The following MAML3 variants were observed in gnomAD, a reference collection of about 807,000 sequenced individuals.
MAML3 encodes the protein mastermind like transcriptional coactivator 3.
Under a neutral mutation model 101.9 loss-of-function variants are expected in MAML3, and 27 were observed. The observed-to-expected ratio is 0.27, with a 90% CI of 0.20 to 0.37. The LOEUF (loss-of-function observed/expected upper bound fraction) is 0.37, where lower values mean the gene tolerates loss of function less well. Ranked by LOEUF, MAML3 falls within the 10% of genes least tolerant of loss-of-function variation. The probability of loss-of-function intolerance (pLI) is 1.00; values close to 1 mark genes in which losing one functional copy is unlikely to be tolerated. For synonymous variants in MAML3, 501 were observed against 555.9 expected (o/e 0.90, Z 1.39); for missense variants, 1,316 against 1,444.9 (o/e 0.91, Z 1.45).
chr4:139,904,600 C>T (rs1028275884), intron 1 of MAML3, among the ~76,000 whole-genome samples: 4 of 152,192 alleles, frequency 2.6e-5, no homozygotes, highest in African/African-American at 9.7e-5. Flanking sequence ...ACACACAACC[C>T]GAGAACTTAA....
At chr4:139,782,124 A>G (rs1730227883) in intron 2 of MAML3, among the ~76,000 whole-genome samples, 1 of 152,196 alleles carries the variant, frequency 6.6e-6, no homozygotes, top group Admixed American at 6.5e-5. Context: ...CAGTTTTTAA[A>G]AAAATCAGCC....
chr4:139,934,628 C>T (rs1733470687), intron 1 of MAML3, among the ~76,000 whole-genome samples: 1 of 152,102 alleles, frequency 6.6e-6, no homozygotes. Context: ...CAAATATGAA[C>T]CATGTGGCTG....
intron 2 of MAML3, among the ~76,000 whole-genome samples, chr4:139,742,557 T>C (rs563360677): frequency 6.6e-6 from 1 of 152,320 alleles, no homozygotes; most frequent in South Asian, 2.1e-4. Context: ...ATCGTCCCTA[T>C]TAATAATGAG....
At position 139,739,702 on chromosome 4, in the gene MAML3, G is replaced by A. The variant is rs998934503; in HGVS notation, c.2080-9035C>T. 4.7e-4 allele frequency among the ~76,000 whole-genome samples: 44 copies of A among 94,472 alleles called. 1 individual carries two copies. In the East Asian group the frequency reaches 9.7e-3, roughly 21 times the overall value. The allele number at this position is 94,472 out of a possible 152,430, so 62.0% of individuals were successfully genotyped here. Reference sequence around the variant, plus strand: ...CAGTTTTTTTTTTTTTTTCTTTTATGTCCTCAGGTGTTAAAACTAAAAAAA... The same window carrying A: ...CAGTTTTTTTTTTTTTTTCTTTTATATCCTCAGGTGTTAAAACTAAAAAAA... On this transcript the variant is annotated intron_variant, in intron 2 of 4. Coordinates refer to ENST00000509479, the MANE Select transcript of MAML3 (RefSeq NM_018717.5).
intron 1 of MAML3, among the ~76,000 whole-genome samples, chr4:140,102,831 A>G (rs1728275236): frequency 6.6e-6 from 1 of 152,180 alleles, no homozygotes; most frequent in Non-Finnish European, 1.5e-5. Context: ...GTCCAGAGAA[A>G]ATGGCCTTGT....
intron 1 of MAML3, among the ~76,000 whole-genome samples, chr4:139,896,114 G>A (rs1732602968): frequency 2.0e-5 from 3 of 152,120 alleles, no homozygotes; most frequent in Admixed American, 2.0e-4. Context: ...GTTCCTCATG[G>A]GAGACAGAGG....
chr4:139,735,819 A>G lies in MAML3; in HGVS notation c.2080-5152T>C, dbSNP rs1728917655. On this transcript the variant is annotated intron_variant, in intron 2 of 4. Transcript: ENST00000509479. The surrounding 1 kb of genome is among the most constrained non-coding windows in gnomAD (Gnocchi z 5.8). ...GCCTCTCGGCGCAGGCGGCCCTAACAAAGAAGCCCACGAGGCGGTCCCGGG... is the reference window on the plus strand; with the variant it reads ...GCCTCTCGGCGCAGGCGGCCCTAACGAAGAAGCCCACGAGGCGGTCCCGGG... Among the ~76,000 whole-genome samples the G allele has an allele frequency of 6.6e-6, 1 of 151,872 alleles. No individual in the cohort carries two copies. The highest frequency in any genetic ancestry group is 6.6e-5 in the Admixed American group (1 of 15,266).
rs189256348 is a variant in MAML3, at chr4:140,066,174, A to G, written c.468+86686T>C. Among the ~76,000 whole-genome samples the G allele has an allele frequency of 1.0e-3, 152 of 152,354 alleles. 1 individual carries two copies. Among genetic ancestry groups the G allele is most frequent in the African/African-American group, 2.9e-3 (121 of 41,586 alleles). ...TTGCTTTTCAAAACTGGTGTGTATG[A>G]GAAGTGAATGAATTTGAGCAGCAAA... On this transcript the variant is annotated intron_variant, in intron 1 of 4. Transcript: ENST00000509479.
intron 2 of MAML3, among the ~76,000 whole-genome samples, chr4:139,781,508 CAT>C (rs10568513): frequency 1.0e-3 from 137 of 136,710 alleles, no homozygotes; most frequent in Middle Eastern, 3.8e-3. Context: ...AGAGCATTTT[CAT>C]ATATATATAT....
intron 2 of MAML3, among the ~76,000 whole-genome samples, chr4:139,774,820 T>C (rs867268243): frequency 5.7e-4 from 87 of 152,338 alleles, no homozygotes; most frequent in African/African-American, 2.0e-3. Context: ...TGATATCTTA[T>C]TGAATCTCCA....
intron 1 of MAML3, among the ~76,000 whole-genome samples, chr4:139,954,114 T>G (rs1229582322): frequency 6.6e-6 from 1 of 152,236 alleles, no homozygotes; most frequent in Non-Finnish European, 1.5e-5. Context: ...TTCTCATTTG[T>G]CCATGTGTCC....
At chr4:139,859,002 A>G (rs1481674506) in intron 2 of MAML3, among the ~76,000 whole-genome samples, 2 of 152,164 alleles carry the variant, frequency 1.3e-5, no homozygotes, top group African/African-American at 4.8e-5. Flanking sequence ...TTTGAGGTAT[A>G]TCCCTCACCT....
At chr4:140,101,095 T>C (rs1728245182) in intron 1 of MAML3, among the ~76,000 whole-genome samples, 1 of 152,086 alleles carries the variant, frequency 6.6e-6, no homozygotes, top group African/African-American at 2.4e-5. Context: ...GAGCAGCCAT[T>C]GACTGACTAA....
intron 2 of MAML3, among the ~76,000 whole-genome samples, chr4:139,745,898 T>C (rs1404870541): frequency 1.3e-5 from 2 of 152,216 alleles, no homozygotes; most frequent in African/African-American, 4.8e-5. Flanking sequence ...TAACAGGAAA[T>C]GTGACCACAA....
At chr4:139,731,506 T>C in intron 2 of MAML3, 1 of 138,732 alleles carries the variant, frequency 7.2e-6, no homozygotes, top group Non-Finnish European at 1.5e-5. Context: ...TAATCCCAGC[T>C]ACTCGGGAAG....
At chr4:140,094,381 C>T (rs900922239) in intron 1 of MAML3, among the ~76,000 whole-genome samples, 5 of 152,306 alleles carry the variant, frequency 3.3e-5, no homozygotes, top group African/African-American at 7.2e-5. Flanking sequence ...GGAATCTGTT[C>T]GGTGCATAAC....
intron 2 of MAML3, among the ~76,000 whole-genome samples, chr4:139,831,281 A>C (rs1390207296): frequency 6.6e-6 from 1 of 152,236 alleles, no homozygotes; most frequent in Admixed American, 6.5e-5. Flanking sequence ...TGCTGTTTTT[A>C]AACTTTTAAT....
Position 140,115,966 on chromosome 4 carries a change from T to G in MAML3, c.468+36894A>C, listed in dbSNP as rs140532584. Among the ~76,000 whole-genome samples, 204 of 152,288 alleles carry G rather than the reference T, an allele frequency of 1.3e-3. 1 individual carries two copies. Among genetic ancestry groups the G allele is most frequent in the African/African-American group, 4.8e-3 (198 of 41,578 alleles). On this transcript the variant is annotated intron_variant, in intron 1 of 4. Transcript: ENST00000509479. ...AAGGTGACATGGAATAATAGAAAATTGGAATTACTTTTAAGTATATACAAA... is the reference window on the plus strand; with the variant it reads ...AAGGTGACATGGAATAATAGAAAATGGGAATTACTTTTAAGTATATACAAA...
At chr4:140,152,098 G>C (rs923586540) in intron 1 of MAML3, among the ~76,000 whole-genome samples, 4 of 151,400 alleles carry the variant, frequency 2.6e-5, no homozygotes, top group African/African-American at 7.3e-5. Context: ...GCCCCCTCCA[G>C]GCCGCTCCCC....
Sources: allele counts gnomAD v4.1 joint callset (sites outside exome capture counted in the v4.1 genomes callset), GRCh38; gene constraint gnomAD v4.1.1; non-coding constraint Gnocchi (gnomAD v3.1); transcripts MANE v1.5; gene names NCBI Gene and HGNC (gene_info 2026-07-23, HGNC 2026-07-21).